Variants in GRM3 observed in about 807,000 individuals in gnomAD.
GRM3 encodes the protein glutamate metabotropic receptor 3, also known as metabotropic glutamate receptor 3.
In GRM3, 26 loss-of-function variants were observed where a neutral mutation model predicts 70.5. The ratio of observed to expected loss-of-function variants is 0.37; its 90% CI spans 0.27 to 0.51. The LOEUF (loss-of-function observed/expected upper bound fraction) is 0.51, where lower values mean the gene tolerates loss of function less well. Among genes scored for constraint, GRM3 ranks in the 20% least tolerant of loss-of-function variants. GRM3 has a pLI of 0.93. For synonymous variants in GRM3, 443 were observed against 434.9 expected (o/e 1.02, Z -0.23); for missense variants, 859 against 1,123.8 (o/e 0.76, Z 3.37).
chr7:86,743,734 G>A (rs1039785500), intron 1 of GRM3, among the ~76,000 whole-genome samples: 2 of 152,122 alleles, frequency 1.3e-5, no homozygotes, highest in African/African-American at 4.8e-5. Context: ...AGAAGAGTAG[G>A]ATTGCAAACC....
At chr7:86,782,472 T>C (rs1038906800) in intron 2 of GRM3, among the ~76,000 whole-genome samples, 2 of 152,184 alleles carry the variant, frequency 1.3e-5, no homozygotes, top group Admixed American at 1.3e-4. Flanking sequence ...CTTTTATTCA[T>C]ATAGAACCAA....
rs186543707 is a variant in GRM3 at position 86,818,212 on chromosome 7, G to A, written c.1325-20627G>A. On this transcript the variant is annotated intron_variant, in intron 3 of 5. Transcript: ENST00000361669. ...ATGCAATTAGTAATATGCTTAGTAT[G>A]TGCCTCTTATTGTGCTATATATTGA... 1.9e-4 allele frequency among the ~76,000 whole-genome samples: 29 copies of A among 152,100 alleles called. No homozygotes were observed. The East Asian group carries it at 5.0e-3, about 26-fold the overall frequency.
At chr7:86,647,747 A>G (rs988143258) in intron 1 of GRM3, among the ~76,000 whole-genome samples, 4 of 152,236 alleles carry the variant, frequency 2.6e-5, no homozygotes, top group African/African-American at 9.6e-5. Context: ...TAAAATGAGT[A>G]TCATCATAGT....
chr7:86,677,777 G>A (rs532324933), intron 1 of GRM3, among the ~76,000 whole-genome samples: 111 of 152,020 alleles, frequency 7.3e-4, no homozygotes, highest in African/African-American at 2.7e-3. Context: ...TAAGATGGGA[G>A]AAAATGGCCC....
intron 2 of GRM3, among the ~76,000 whole-genome samples, chr7:86,767,648 G>T (rs116137971): frequency 6.7e-6 from 1 of 149,314 alleles, no homozygotes. Context: ...GTCATTTCAC[G>T]AATTTATATT....
intron 1 of GRM3, among the ~76,000 whole-genome samples, chr7:86,754,675 T>C (rs1213740639): frequency 6.6e-6 from 1 of 152,132 alleles, no homozygotes; most frequent in Non-Finnish European, 1.5e-5. Flanking sequence ...TTATTATCTT[T>C]AATGTAAAGG....
chr7:86,669,290 C>G (rs1230453764), intron 1 of GRM3, among the ~76,000 whole-genome samples: 2 of 152,204 alleles, frequency 1.3e-5, no homozygotes, highest in African/African-American at 2.4e-5. Flanking sequence ...AATCTTCTCA[C>G]ATGATTCCAG....
intron 1 of GRM3, among the ~76,000 whole-genome samples, chr7:86,716,070 G>A (rs1261371574): frequency 6.6e-6 from 1 of 151,958 alleles, no homozygotes; most frequent in East Asian, 1.9e-4. Context: ...TTCTTTGCAT[G>A]TAAATGAAGT....
chr7:86,728,751 G>T (rs1795651402), intron 1 of GRM3, among the ~76,000 whole-genome samples: 1 of 152,144 alleles, frequency 6.6e-6, no homozygotes, highest in Non-Finnish European at 1.5e-5. Flanking sequence ...TGATATGTTG[G>T]TTGGGATTTT....
intron 1 of GRM3, among the ~76,000 whole-genome samples, chr7:86,746,823 C>A (rs1182509883): frequency 1.3e-5 from 2 of 152,048 alleles, no homozygotes; most frequent in Non-Finnish European, 2.9e-5. Context: ...ATAGGGTTGG[C>A]AAATGCCACT....
At chr7:86,723,963 G>A (rs1419357050) in intron 1 of GRM3, among the ~76,000 whole-genome samples, 1 of 152,110 alleles carries the variant, frequency 6.6e-6, no homozygotes, top group East Asian at 1.9e-4. Context: ...TTATAGATAA[G>A]CACTGCAGGC....
intron 2 of GRM3, among the ~76,000 whole-genome samples, chr7:86,776,993 A>C (rs748003247): frequency 3.9e-5 from 6 of 152,204 alleles, no homozygotes; most frequent in Non-Finnish European, 7.4e-5. Context: ...TTCAGTGGGC[A>C]AAATACCTTC....
chr7:86,653,859 G>T (rs891944128), intron 1 of GRM3, among the ~76,000 whole-genome samples: 2 of 152,032 alleles, frequency 1.3e-5, no homozygotes, highest in African/African-American at 4.8e-5. Context: ...TTAATGAAAA[G>T]ATTATTTCTT....
chr7:86,824,476 AG>A (rs976424036), intron 3 of GRM3, among the ~76,000 whole-genome samples: 2 of 152,230 alleles, frequency 1.3e-5, no homozygotes, highest in African/African-American at 4.8e-5. Context: ...ACTGTTCCTG[AG>A]GGGGGTAACA....
intron 1 of GRM3, among the ~76,000 whole-genome samples, chr7:86,692,820 G>A (rs1429555002): frequency 2.0e-5 from 3 of 152,076 alleles, no homozygotes; most frequent in African/African-American, 7.2e-5. Flanking sequence ...AATAGTTTCT[G>A]ATTTTATTAG....
chr7:86,703,428 C>G (rs571441867), intron 1 of GRM3, among the ~76,000 whole-genome samples: 1 of 151,798 alleles, frequency 6.6e-6, no homozygotes, highest in South Asian at 2.1e-4. Flanking sequence ...GATAAGAAAG[C>G]GCAGAAACTG....
intron 2 of GRM3, among the ~76,000 whole-genome samples, chr7:86,773,901 A>G (rs889238028): frequency 1.2e-4 from 18 of 152,220 alleles, no homozygotes; most frequent in African/African-American, 4.1e-4. Context: ...CTACCGAAAG[A>G]TAAGAAGTTG....
chr7:86,801,506 G>A (rs1232438944), intron 3 of GRM3, among the ~76,000 whole-genome samples: 3 of 152,100 alleles, frequency 2.0e-5, no homozygotes, highest in African/African-American at 7.2e-5. Context: ...GGTGACATAT[G>A]TACATAGAAA....
chr7:86,725,570 C>T lies in GRM3; in HGVS notation c.-140-39436C>T, dbSNP rs117260604. On this transcript the variant is annotated intron_variant, in intron 1 of 5. Transcript: ENST00000361669. ...AGTCAGGAATAGGAGAATCAGACTC[C>T]CACTATCAACAATACAGCAGCAAAG... Among the ~76,000 whole-genome samples, 1,216 of 152,222 alleles carry T rather than the reference C, an allele frequency of 8.0e-3. 3 individuals are homozygous for T. The highest frequency in any genetic ancestry group is 0.013 in the Non-Finnish European group (882 of 67,998).
Sources: gnomAD v4.1 joint callset for allele counts (sites outside exome capture counted in the v4.1 genomes callset) on GRCh38, gnomAD v4.1.1 for gene constraint, MANE v1.5 for transcripts, NCBI Gene and HGNC (gene_info 2026-07-23, HGNC 2026-07-21) for gene names.